BRD10: variants seen among roughly 807,000 people sequenced by gnomAD.
BRD10 encodes the protein bromodomain containing 10.
chr9:5,889,350 T>A, the BRD10 span, among the ~76,000 whole-genome samples: 5 of 152,210 alleles, frequency 3.3e-5, no homozygotes, highest in African/African-American at 1.2e-4. Context: ...GGAAAATCCT[T>A]CCACAACCAG....
the BRD10 span, among the ~76,000 whole-genome samples, chr9:5,965,697 T>A: frequency 4.6e-5 from 7 of 152,182 alleles, no homozygotes; most frequent in Non-Finnish European, 1.0e-4. Context: ...TTTTGCAAAA[T>A]GAATTGTGAA....
At chr9:5,920,073 A>G in the BRD10 span, 1 of 1,613,848 alleles carries the variant, frequency 6.2e-7, no homozygotes, top group Non-Finnish European at 8.5e-7. Context: ...GTGGGTATAG[A>G]ACTTGCATTC....
chr9:5,928,978 C>T, the BRD10 span: 4 of 816,108 alleles, frequency 4.9e-6, no homozygotes, highest in Admixed American at 9.3e-5. Flanking sequence ...GATTCCAGGA[C>T]ATCATCCAAA....
chr9:5,933,805 A>G, the BRD10 span: 2 of 471,420 alleles, frequency 4.2e-6, no homozygotes, highest in Middle Eastern at 3.2e-4. Context: ...TGGGTATGAC[A>G]GCACCAGCAT....
At chr9:5,988,963 G>A in the BRD10 span, among the ~76,000 whole-genome samples, 1 of 152,146 alleles carries the variant, frequency 6.6e-6, no homozygotes, top group Non-Finnish European at 1.5e-5. Context: ...GGGTGCAGTG[G>A]CTCATGCCTG....
the BRD10 span, among the ~76,000 whole-genome samples, chr9:5,973,236 G>A: frequency 6.6e-6 from 1 of 152,204 alleles, no homozygotes; most frequent in Non-Finnish European, 1.5e-5. Flanking sequence ...GGAGGCCAAG[G>A]CAGGCAGATC....
chr9:5,944,110 G>A, the BRD10 span, among the ~76,000 whole-genome samples: 6 of 152,030 alleles, frequency 3.9e-5, no homozygotes, highest in African/African-American at 1.4e-4. Context: ...TATTCCTAAG[G>A]CGCAAAACGA....
chr9:5,922,620 G>A, the BRD10 span: 2 of 1,613,868 alleles, frequency 1.2e-6, no homozygotes, highest in Non-Finnish European at 1.7e-6. Flanking sequence ...TGTTGAAGTG[G>A]TGGCACTTCT....
At chr9:5,939,487 C>T in the BRD10 span, among the ~76,000 whole-genome samples, 4 of 152,242 alleles carry the variant, frequency 2.6e-5, no homozygotes, top group East Asian at 1.9e-4. Flanking sequence ...TCTTAATCAT[C>T]GATGGAATCA....
chr9:5,895,130 T>C, the BRD10 span, among the ~76,000 whole-genome samples: 1 of 152,320 alleles, frequency 6.6e-6, no homozygotes, highest in Admixed American at 6.5e-5. Context: ...TTTGACATTT[T>C]GCTGTCTGTA....
At chr9:5,986,249 T>C in the BRD10 span, among the ~76,000 whole-genome samples, 1 of 152,212 alleles carries the variant, frequency 6.6e-6, no homozygotes, top group East Asian at 1.9e-4. Flanking sequence ...CTGTGTTAGT[T>C]TGCTGAGGAT....
the BRD10 span, chr9:6,008,165 C>CG: frequency 7.7e-5 from 75 of 976,590 alleles, 1 homozygote; most frequent in South Asian, 3.2e-3. Context: ...CCCGGGCCAG[C>CG]GGGGGGCTGG....
the BRD10 span, chr9:5,922,188 T>C: frequency 6.2e-7 from 1 of 1,614,010 alleles, no homozygotes; most frequent in Non-Finnish European, 8.5e-7. Context: ...CACACAGTTT[T>C]CAGCTCTTGC....
chr9:5,930,451 TAC>T, the BRD10 span, among the ~76,000 whole-genome samples: 438 of 150,916 alleles, frequency 2.9e-3, 3 homozygotes, highest in African/African-American at 9.8e-3. Context: ...TGACGAACAG[TAC>T]AGTTTTACAA....
chr9:5,986,024 C>T, the BRD10 span, among the ~76,000 whole-genome samples: 2 of 152,088 alleles, frequency 1.3e-5, no homozygotes, highest in African/African-American at 2.4e-5. Flanking sequence ...AGGTTTGTTA[C>T]ACAGGTAAAC....
chr9:5,989,216 G>C, the BRD10 span, among the ~76,000 whole-genome samples: 1 of 89,812 alleles, frequency 1.1e-5, no homozygotes, highest in Non-Finnish European at 2.1e-5. Context: ...TGGGCAACAA[G>C]AGAGAAACTC....
the BRD10 span, among the ~76,000 whole-genome samples, chr9:5,980,014 CAAAAAAAAAAAAAAG>C: frequency 1.0e-5 from 1 of 99,988 alleles, no homozygotes; most frequent in Non-Finnish European, 2.0e-5. Context: ...GACTCCATCT[CAAAAAAAAAAAAAAG>C]AAAAAAAAAA....
the BRD10 span, among the ~76,000 whole-genome samples, chr9:5,979,952 T>C: frequency 6.8e-6 from 1 of 147,524 alleles, no homozygotes; most frequent in Admixed American, 6.9e-5. Context: ...GAGGTGGAGG[T>C]TGCAGTGAGC....
chr9:5,913,980 G>C, the BRD10 span: 1 of 450,776 alleles, frequency 2.2e-6, no homozygotes, highest in South Asian at 1.6e-5. Flanking sequence ...AGCACTTTCT[G>C]CTATCAAAAC....
Sources: gnomAD v4.1 joint callset for allele counts (sites outside exome capture counted in the v4.1 genomes callset) on GRCh38, gnomAD v4.1.1 for gene constraint, MANE v1.5 for transcripts, NCBI Gene and HGNC (gene_info 2026-07-23, HGNC 2026-07-21) for gene names.